Variants in VPS4B observed in about 807,000 individuals in gnomAD.
VPS4B encodes the protein vacuolar protein sorting 4 homolog B, also known as vacuolar protein sorting-associated protein 4B.
Under a neutral mutation model 56.1 loss-of-function variants are expected in VPS4B, and 23 were observed. That is an observed-to-expected ratio of 0.41 (90% CI 0.30 to 0.58). The LOEUF (loss-of-function observed/expected upper bound fraction) is 0.58. Ranked by LOEUF, VPS4B falls within the 20% of genes least tolerant of loss-of-function variation. VPS4B has a pLI of 0.29. For synonymous variants in VPS4B, 177 were observed against 186.0 expected, an observed-to-expected ratio of 0.95 and a Z score of 0.39; for missense variants, 372 against 531.9, an observed-to-expected ratio of 0.70 and a Z score of 2.96.
intron 10 of VPS4B, among the ~76,000 whole-genome samples, chr18:63,392,039 A>G (rs1377195556): frequency 2.0e-5 from 3 of 152,196 alleles, no homozygotes; most frequent in Non-Finnish European, 4.4e-5. Context: ...GGGGTTTCTG[A>G]GTAACTTCTC....
chr18:63,400,427 G>GT lies in VPS4B; in HGVS notation c.641+119dup, dbSNP rs1166390530. On this transcript the variant is annotated intron_variant, in intron 6 of 10. Transcript: ENST00000238497. The stretch of plus-strand genomic sequence containing the variant: ...GATTAGAGACTGATTTGACAGAGAA[G>GT]TGAGTACCTGTATTACATGACTTCT... 1.8e-5 allele frequency: 21 copies of GT among 1,184,864 alleles called. No individual in the cohort carries two copies. In the East Asian group the frequency reaches 4.7e-4, roughly 26 times the overall value. 73.4% of individuals were successfully genotyped at this position (1,184,864 alleles called of 1,614,324 possible).
chr18:63,406,716 G>A (rs1306432835), intron 4 of VPS4B, among the ~76,000 whole-genome samples: 1 of 152,198 alleles, frequency 6.6e-6, no homozygotes, highest in African/African-American at 2.4e-5. Context: ...TTTTTACACT[G>A]TCATTAATCT....
At chr18:63,418,738 C>T (rs1202843882) in intron 1 of VPS4B, among the ~76,000 whole-genome samples, 2 of 152,168 alleles carry the variant, frequency 1.3e-5, no homozygotes, top group East Asian at 3.8e-4. Context: ...TCCAGGCTCC[C>T]ATTTCTCTCT....
At position 63,397,045 on chromosome 18, in the gene VPS4B, G is replaced by A. The variant is rs1185922964; in HGVS notation, c.1081C>T (p.His361Tyr). The change falls in exon 9 of 11, where the codon CAT becomes TAT. Residue 361 changes from histidine to tyrosine, a missense_variant. Physicochemically the swap from His to Tyr is moderately conservative, Grantham distance 83. Around this residue, in one of 3 missense-constraint regions of VPS4B, gnomAD observed 153 missense variants for 190.9 expected, o/e 0.80. Transcript: ENST00000238497. The stretch of plus-strand genomic sequence containing the variant: ...TAAAAATGACTTACCTTTTTAAAAT[G>A]AGTAGCTGACTGTACTTTCCTAACA... Reference protein sequence around the residue: ...QPVRKVQSATHFKKVRGPSRA... With the variant: ...QPVRKVQSATYFKKVRGPSRA... The A allele has an allele frequency of 6.2e-7, 1 of 1,602,098 alleles. No homozygotes were observed. Among genetic ancestry groups the A allele is most frequent in the African/African-American group, 1.3e-5 (1 of 74,364 alleles).
intron 3 of VPS4B, 118 bp downstream of exon 3, chr18:63,410,172 G>A: frequency 1.5e-6 from 2 of 1,322,748 alleles, no homozygotes; most frequent in Non-Finnish European, 2.1e-6. Flanking sequence ...CCAAAAACAG[G>A]CAGCTGGGCA....
At chr18:63,416,077 A>G in intron 1 of VPS4B, 1 of 179,418 alleles carries the variant, frequency 5.6e-6, no homozygotes, top group Non-Finnish European at 1.2e-5. Context: ...CAGTGGGTCT[A>G]CTTTGCTGGG....
intron 8 of VPS4B, among the ~76,000 whole-genome samples, chr18:63,398,103 C>T (rs1915712155): frequency 6.6e-6 from 1 of 151,678 alleles, no homozygotes; most frequent in East Asian, 1.9e-4. Flanking sequence ...TATACCTTTC[C>T]TAGAACTGAA....
intron 1 of VPS4B, among the ~76,000 whole-genome samples, chr18:63,417,912 G>C (rs1179095578): frequency 1.3e-5 from 2 of 152,110 alleles, no homozygotes; most frequent in South Asian, 2.1e-4. Context: ...ATCCACCTTA[G>C]AAAACCCTGA....
At chr18:63,405,288 A>G (rs1915891235) in intron 4 of VPS4B, among the ~76,000 whole-genome samples, 1 of 152,206 alleles carries the variant, frequency 6.6e-6, no homozygotes, top group Non-Finnish European at 1.5e-5. Context: ...TTAATCACAA[A>G]AAATTCACTG....
intron 1 of VPS4B, among the ~76,000 whole-genome samples, chr18:63,420,291 AG>A (rs1157733243): frequency 1.3e-5 from 2 of 152,098 alleles, no homozygotes; most frequent in African/African-American, 4.8e-5. Context: ...TACTAAAAAT[AG>A]AAAAAATTAG....
At chr18:63,399,813 G>A (rs984967156) in intron 7 of VPS4B, among the ~76,000 whole-genome samples, 1 of 148,824 alleles carries the variant, frequency 6.7e-6, no homozygotes, top group Admixed American at 6.7e-5. Context: ...TTTCATTACT[G>A]TTATAAAAAT....
Position 63,422,272 on chromosome 18 carries a change from A to G in VPS4B, c.-13T>C. ...AAGTGGATGACATGGCGGAGTTCCC[A>G]GGCGGTTCCCAAGGGAACGAGGGGC... is the stretch of plus-strand genomic sequence containing the variant. On this transcript the variant is annotated 5_prime_UTR_variant, in exon 1 of 11. Coordinates refer to ENST00000238497, the MANE Select transcript of VPS4B (RefSeq NM_004869.4). The G allele has an allele frequency of 6.6e-7, 1 of 1,506,368 alleles. No homozygotes were observed. The highest frequency in any genetic ancestry group is 2.7e-5 in the East Asian group (1 of 37,084). The allele number at this position is 1,506,368 out of a possible 1,614,324, so 93.3% of individuals were successfully genotyped here.
At chr18:63,410,688 GTTAATGT>G (rs1264819069) in intron 2 of VPS4B, among the ~76,000 whole-genome samples, 1 of 152,112 alleles carries the variant, frequency 6.6e-6, no homozygotes, top group Non-Finnish European at 1.5e-5. Context: ...GGTATATTAA[GTTAATGT>G]TAACTAACAG....
intron 8 of VPS4B, among the ~76,000 whole-genome samples, chr18:63,398,228 T>TATATATATATATATATATATATATAC (rs1568084685): frequency 6.8e-6 from 1 of 146,352 alleles, no homozygotes; most frequent in African/African-American, 2.7e-5. Context: ...TATATATTTT[T>TATATATATATATATATATATATATAC]TTTTGAGATG....
chr18:63,400,237 A>AAAAG (rs763068658), intron 6 of VPS4B, 41 bp from the exon 7 acceptor site: 61 of 1,547,306 alleles, frequency 3.9e-5, no homozygotes, highest in Non-Finnish European at 5.2e-5. Flanking sequence ...AAAAAATAGT[A>AAAAG]AAAGATTAAA....
intron 1 of VPS4B, chr18:63,415,733 G>A (rs936209011): frequency 2.5e-5 from 6 of 238,644 alleles, no homozygotes; most frequent in African/African-American, 1.4e-4. Context: ...TGATGGAGCT[G>A]ATGACAGATG....
At chr18:63,396,752 G>A (rs1859835006) in intron 9 of VPS4B, 1 of 359,602 alleles carries the variant, frequency 2.8e-6, no homozygotes, top group Non-Finnish European at 5.1e-6. Flanking sequence ...CCTTTGGGAG[G>A]CCGAGGTGGG....
rs772633044 is a variant in VPS4B at position 63,403,840 on chromosome 18, C to T, written c.365-14G>A. On this transcript the variant is annotated splice_polypyrimidine_tract_variant and intron_variant, in intron 4 of 10. Transcript: ENST00000238497. ...TAACAATGGCACCTGCAAAAAATTACGTTATCTTTAAATTAAGAAAGACTA... is the reference window on the plus strand; with the variant it reads ...TAACAATGGCACCTGCAAAAAATTATGTTATCTTTAAATTAAGAAAGACTA... The T allele has an allele frequency of 2.1e-5, 33 of 1,590,944 alleles. No individual in the cohort carries two copies. The highest frequency in any genetic ancestry group is 8.1e-5 in the South Asian group (7 of 86,300).
At chr18:63,400,275 A>T in intron 6 of VPS4B, 79 bp from the exon 7 acceptor site, 1 of 1,376,342 alleles carries the variant, frequency 7.3e-7, no homozygotes, top group Non-Finnish European at 9.7e-7. Flanking sequence ...TATTACAAGA[A>T]CTCTGTAGAT....
Sources: gnomAD v4.1 joint callset for allele counts (sites outside exome capture counted in the v4.1 genomes callset) on GRCh38, gnomAD v4.1.1 for gene constraint, gnomAD v4.1.1 regional missense constraint, MANE v1.5 for transcripts, NCBI Gene and HGNC (gene_info 2026-07-23, HGNC 2026-07-21) for gene names.